The following SUGCT variants were observed in gnomAD, a reference collection of about 807,000 sequenced individuals.
SUGCT encodes the protein succinyl-CoA:glutarate CoA-transferase.
In SUGCT, 41 loss-of-function variants were observed where a neutral mutation model predicts 55.0. The observed-to-expected ratio is 0.74, with a 90% CI of 0.58 to 0.97. The LOEUF (loss-of-function observed/expected upper bound fraction) is 0.97. Ranked by LOEUF, SUGCT falls within the 50% of genes least tolerant of loss-of-function variation. The probability of loss-of-function intolerance (pLI) is 0.00; values close to 1 mark genes in which losing one functional copy is unlikely to be tolerated. For synonymous variants in SUGCT, 187 were observed against 200.4 expected (o/e 0.93, Z 0.56); for missense variants, 568 against 547.8 (o/e 1.04, Z -0.37).
chr7:40,339,157 A>G (rs184049604), intron 9 of SUGCT, among the ~76,000 whole-genome samples: 20 of 152,200 alleles, frequency 1.3e-4, no homozygotes, highest in East Asian at 7.7e-4. Context: ...GTCTGCCCCT[A>G]CTGGGGGGTA....
chr7:40,176,834 C>T lies in SUGCT; in HGVS notation c.101-4113C>T, dbSNP rs988115115. ...CTAAAAATACAAAAATTAACTGGGCCTGGTGGCAGGTGCCTGTAATCCCAG... is the reference window on the plus strand; with the variant it reads ...CTAAAAATACAAAAATTAACTGGGCTTGGTGGCAGGTGCCTGTAATCCCAG... On this transcript the variant is annotated intron_variant, in intron 1 of 13. Transcript: ENST00000335693. Among the ~76,000 whole-genome samples, 12 of 151,420 alleles carry T rather than the reference C, an allele frequency of 7.9e-5. 1 individual carries two copies. The highest frequency in any genetic ancestry group is 5.3e-4 in the Admixed American group (8 of 15,166).
chr7:40,936,091 T>C, the SUGCT span, among the ~76,000 whole-genome samples: 1 of 152,180 alleles, frequency 6.6e-6, no homozygotes, highest in Non-Finnish European at 1.5e-5. Flanking sequence ...ATTTGCCTTT[T>C]ATTTTTGAAT....
the SUGCT span, among the ~76,000 whole-genome samples, chr7:40,876,224 T>C: frequency 1.3e-5 from 2 of 152,214 alleles, no homozygotes; most frequent in Non-Finnish European, 2.9e-5. Flanking sequence ...ATTATCTCAC[T>C]ACTCATAATA....
At chr7:40,234,908 CA>C (rs1040934539) in intron 6 of SUGCT, among the ~76,000 whole-genome samples, 63 of 139,408 alleles carry the variant, frequency 4.5e-4, no homozygotes, top group African/African-American at 1.6e-3. Context: ...GACCCAGTTT[CA>C]AAAAAAAGAA....
the SUGCT span, among the ~76,000 whole-genome samples, chr7:40,993,102 G>A: frequency 6.6e-6 from 1 of 152,108 alleles, no homozygotes; most frequent in Non-Finnish European, 1.5e-5. Context: ...CTTGCATGAG[G>A]TCTGAGTTTC....
intron 12 of SUGCT, among the ~76,000 whole-genome samples, chr7:40,655,897 C>A (rs1050843331): frequency 6.6e-6 from 1 of 151,938 alleles, no homozygotes; most frequent in Non-Finnish European, 1.5e-5. Flanking sequence ...AGGTTGTAGG[C>A]TATATTGAGC....
chr7:40,219,232 T>G (rs977150700), intron 6 of SUGCT, among the ~76,000 whole-genome samples: 2 of 151,850 alleles, frequency 1.3e-5, no homozygotes, highest in African/African-American at 4.8e-5. Context: ...TGTCCGAATA[T>G]CAGAAGGAAC....
chr7:40,837,309 T>A (rs977561572), intron 13 of SUGCT, among the ~76,000 whole-genome samples: 4 of 152,164 alleles, frequency 2.6e-5, no homozygotes, highest in Admixed American at 6.5e-5. Flanking sequence ...TTTTGAGAAA[T>A]ATATAAATTC....
chr7:40,859,827 G>A (rs1199396840), intron 13 of SUGCT, among the ~76,000 whole-genome samples: 1 of 152,206 alleles, frequency 6.6e-6, no homozygotes, highest in Non-Finnish European at 1.5e-5. Flanking sequence ...TTGAACCAGG[G>A]TCTAGCTGAG....
chr7:40,282,013 G>A (rs1235895974), intron 8 of SUGCT, among the ~76,000 whole-genome samples: 1 of 152,196 alleles, frequency 6.6e-6, no homozygotes, highest in Non-Finnish European at 1.5e-5. Context: ...TAGAGACAGG[G>A]TTTCACCATG....
chr7:40,327,007 G>A (rs1796055719), intron 9 of SUGCT, among the ~76,000 whole-genome samples: 1 of 152,156 alleles, frequency 6.6e-6, no homozygotes, highest in African/African-American at 2.4e-5. Context: ...AGATTTATTG[G>A]GAACGAAAGA....
chr7:40,902,407 A>G, the SUGCT span, among the ~76,000 whole-genome samples: 51 of 151,982 alleles, frequency 3.4e-4, no homozygotes, highest in Admixed American at 7.9e-4. Flanking sequence ...GTGAAACCCC[A>G]TCTCTACTGA....
intron 12 of SUGCT, among the ~76,000 whole-genome samples, chr7:40,711,678 G>T (rs771818015): frequency 6.6e-6 from 1 of 152,128 alleles, no homozygotes; most frequent in Admixed American, 6.5e-5. Flanking sequence ...GCTGCTGCCC[G>T]CAGAGTTCGC....
Position 40,338,443 on chromosome 7 carries a change from G to A in SUGCT, c.816+21588G>A, listed in dbSNP as rs181829886. On this transcript the variant is annotated intron_variant, in intron 9 of 13. Transcript: ENST00000335693. ...CCCATATTTCTTGGAGGCTTTGTTCGTCTCTTTATATTCTTTTTTCTCTAA... is the reference window on the plus strand; with the variant it reads ...CCCATATTTCTTGGAGGCTTTGTTCATCTCTTTATATTCTTTTTTCTCTAA... Among the ~76,000 whole-genome samples the A allele has an allele frequency of 6.9e-4, 105 of 152,134 alleles. No homozygotes were observed. The East Asian group carries it at 9.7e-3, about 14-fold the overall frequency.
At chr7:40,297,970 CT>C (rs555556622) in intron 8 of SUGCT, among the ~76,000 whole-genome samples, 11 of 150,754 alleles carry the variant, frequency 7.3e-5, no homozygotes, top group South Asian at 2.1e-4. Context: ...TAAACATAGC[CT>C]TTTTTTTTGT....
At chr7:40,282,478 A>G (rs1156619224) in intron 8 of SUGCT, among the ~76,000 whole-genome samples, 1 of 131,332 alleles carries the variant, frequency 7.6e-6, no homozygotes, top group Non-Finnish European at 1.7e-5. Flanking sequence ...AAAAATACTG[A>G]AAAAACAAAA....
intron 1 of SUGCT, chr7:40,153,280 G>A (rs1409420655): frequency 2.5e-6 from 1 of 401,582 alleles, no homozygotes; most frequent in Non-Finnish European, 4.8e-6. Context: ...AAGAAACTGA[G>A]CCTCAAGTGT....
At chr7:40,247,555 G>C (rs1789982610) in intron 7 of SUGCT, among the ~76,000 whole-genome samples, 1 of 152,140 alleles carries the variant, frequency 6.6e-6, no homozygotes, top group Non-Finnish European at 1.5e-5. Flanking sequence ...ACTGTGCCTG[G>C]CCAGTCTTTT....
intron 12 of SUGCT, among the ~76,000 whole-genome samples, chr7:40,500,376 A>T (rs959373887): frequency 5.3e-5 from 8 of 152,106 alleles, no homozygotes; most frequent in Admixed American, 5.2e-4. Flanking sequence ...GAACTATTGA[A>T]ATATCACAGC....
Sources: allele counts gnomAD v4.1 joint callset (sites outside exome capture counted in the v4.1 genomes callset), GRCh38; gene constraint gnomAD v4.1.1; transcripts MANE v1.5; gene names NCBI Gene and HGNC (gene_info 2026-07-23, HGNC 2026-07-21).